TRAP1: variants seen among roughly 807,000 people sequenced by gnomAD.
TRAP1 encodes the protein TNF receptor associated protein 1.
In TRAP1, 102 loss-of-function variants were observed where a neutral mutation model predicts 89.1. The observed-to-expected ratio is 1.15, with a 90% CI of 0.98 to 1.35. The LOEUF is 1.35. TRAP1 is among the 40% of genes most tolerant of loss of function. TRAP1 has a pLI of 0.00. For missense variants in TRAP1, 1,256 were observed against 945.3 expected, an observed-to-expected ratio of 1.33 and a Z score of -4.31; for synonymous variants, 508 against 388.0, an observed-to-expected ratio of 1.31 and a Z score of -3.64.
rs1318484116 is a variant in TRAP1, at chr16:3,685,399, C to G, written c.471+597G>C. ...GCCTGCATTCATTTATGTGGCATGACCTTCAGAGCAAGCCAGCACCCTAAA... is the reference window on the plus strand; with the variant it reads ...GCCTGCATTCATTTATGTGGCATGAGCTTCAGAGCAAGCCAGCACCCTAAA... On this transcript the variant is annotated intron_variant, in intron 4 of 17. Coordinates refer to ENST00000246957, the MANE Select transcript of TRAP1 (RefSeq NM_016292.3). Among the ~76,000 whole-genome samples the G allele has an allele frequency of 3.3e-5, 5 of 152,178 alleles. No homozygotes were observed. In the East Asian group the frequency reaches 9.6e-4, roughly 29 times the overall value.
At chr16:3,672,370 T>C (rs946993962) in intron 10 of TRAP1, among the ~76,000 whole-genome samples, 3 of 152,142 alleles carry the variant, frequency 2.0e-5, no homozygotes, top group South Asian at 4.1e-4. Flanking sequence ...CGCACCTCTG[T>C]GTACCAAGGC....
chr16:3,675,711 C>G (rs549940550), intron 7 of TRAP1, among the ~76,000 whole-genome samples: 3 of 152,190 alleles, frequency 2.0e-5, no homozygotes, highest in Non-Finnish European at 2.9e-5. Flanking sequence ...GAGTGTCCAG[C>G]AGGACACAAA....
At chr16:3,671,182 T>C (rs1171748794) in intron 11 of TRAP1, among the ~76,000 whole-genome samples, 1 of 152,126 alleles carries the variant, frequency 6.6e-6, no homozygotes, top group Non-Finnish European at 1.5e-5. Context: ...ACCTGCCCTA[T>C]GTGGCTGCCA....
Position 3,689,060 on chromosome 16 carries a change from T to C in TRAP1, c.325A>G (p.Lys109Glu), listed in dbSNP as rs2094846372. The C allele has an allele frequency of 1.2e-6, 2 of 1,611,362 alleles. No homozygotes were observed. The highest frequency in any genetic ancestry group is 1.7e-6 in the Non-Finnish European group (2 of 1,178,720). Residue 109 changes from lysine (K) to glutamate (E), a missense_variant, in exon 3 of 18, where the codon AAA (lysine) becomes GAA (glutamate). Physicochemically the swap from Lys to Glu is moderately conservative, Grantham distance 56. Transcript: ENST00000246957. ...DIVARSLYSE[K>E]EVFIRELISN... is the part of the protein sequence containing the mutation. ...ATGGTTAGCAGGGAACGCACCTCTT[T>C]TTCTGAGTACAGGGACCGGGCAACA...
Position 3,705,773 on chromosome 16 carries a change from G to A in TRAP1, c.88+11648C>T, listed in dbSNP as rs375418492. 8.6e-4 allele frequency among the ~76,000 whole-genome samples: 131 copies of A among 151,992 alleles called. 1 individual carries two copies. Among genetic ancestry groups the A allele is most frequent in the East Asian group, 2.9e-3 (15 of 5,156 alleles). ...TGGCTCACTGCAACCTCTGCCTCCCGGGTTCAAGTGATTCTCCTGCCTCAG... is the reference window on the plus strand; with the variant it reads ...TGGCTCACTGCAACCTCTGCCTCCCAGGTTCAAGTGATTCTCCTGCCTCAG... On this transcript the variant is annotated intron_variant, in intron 1 of 17. Coordinates refer to ENST00000246957, the MANE Select transcript of TRAP1 (RefSeq NM_016292.3).
chr16:3,676,529 C>A, intron 6 of TRAP1: 1 of 164,324 alleles, frequency 6.1e-6, no homozygotes, highest in Non-Finnish European at 1.3e-5. Context: ...GACAGGCGCC[C>A]CCTAAGAAGA....
At chr16:3,689,418 G>A (rs1426811451) in intron 2 of TRAP1, among the ~76,000 whole-genome samples, 1 of 151,950 alleles carries the variant, frequency 6.6e-6, no homozygotes, top group Non-Finnish European at 1.5e-5. Context: ...CTAATTTTTT[G>A]TAGTTTTAGT....
Position 3,664,245 on chromosome 16 carries a change from G to A in TRAP1, c.1569+29C>T, listed in dbSNP as rs115291551. 1.1e-3 allele frequency: 1,733 copies of A among 1,526,194 alleles called. 27 individuals carry two copies. The African/African-American group carries it at 0.02, about 17-fold the overall frequency. The allele number at this position is 1,526,194 out of a possible 1,614,324, so 94.5% of individuals were successfully genotyped here. ...AGACCCTCCCCAGGTTGCAGCCCCC[G>A]GAGCCCGCCCCACCCACCGCTCACC... On this transcript the variant is annotated intron_variant, in intron 13 of 17. Transcript: ENST00000246957.
Position 3,689,113 on chromosome 16 carries a change from T to C in TRAP1, c.272A>G (p.Gln91Arg). The C allele has an allele frequency of 6.2e-7, 1 of 1,613,874 alleles. No individual in the cohort carries two copies. The highest frequency in any genetic ancestry group is 8.5e-7 in the Non-Finnish European group (1 of 1,179,894). Residue 91 changes from glutamine (Q) to arginine (R), a missense_variant, in exon 3 of 18, where the codon CAG (glutamine) becomes CGG (arginine). By Grantham distance (43) the Gln-to-Arg change is conservative (BLOSUM62 1). Transcript: ENST00000246957. ...GTCCAAAAGCTTCTTTGTCTCGGCCTGGAACTCATGTTTGGAAGTGGAACC... is the reference window on the plus strand; with the variant it reads ...GTCCAAAAGCTTCTTTGTCTCGGCCCGGAACTCATGTTTGGAAGTGGAACC... ...VQGSTSKHEFQAETKKLLDIV... is the reference protein window; with the variant it reads ...VQGSTSKHEFRAETKKLLDIV...
chr16:3,668,168 C>T (rs920561029), intron 11 of TRAP1, among the ~76,000 whole-genome samples: 4 of 151,672 alleles, frequency 2.6e-5, no homozygotes, highest in Admixed American at 1.3e-4. Flanking sequence ...GTGATCCACC[C>T]GCCTCGGCCT....
At chr16:3,705,037 A>G (rs2051421335) in intron 1 of TRAP1, among the ~76,000 whole-genome samples, 1 of 152,098 alleles carries the variant, frequency 6.6e-6, no homozygotes, top group African/African-American at 2.4e-5. Flanking sequence ...GTATATTCAC[A>G]AAGTTGTACA....
chr16:3,670,719 C>T (rs1435592961), intron 11 of TRAP1, among the ~76,000 whole-genome samples: 1 of 152,160 alleles, frequency 6.6e-6, no homozygotes, highest in Non-Finnish European at 1.5e-5. Flanking sequence ...AATAAAACAT[C>T]ACTGCGGCTT....
chr16:3,666,268 A>G (rs1367414961), intron 11 of TRAP1, 150 bp from the exon 12 acceptor site: 1 of 1,051,660 alleles, frequency 9.5e-7, no homozygotes, highest in Non-Finnish European at 1.3e-6. Context: ...AAGACTGAGC[A>G]GAAAGACAGA....
In TRAP1 at chr16:3,672,747, T is replaced by A; in HGVS notation, c.1118A>T (p.Gln373Leu). 6.2e-7 allele frequency: 1 copy of A among 1,611,680 alleles called. No individual in the cohort carries two copies. The highest frequency in any genetic ancestry group is 8.5e-7 in the Non-Finnish European group (1 of 1,179,068). The change falls in exon 10 of 18, where the codon CAG (glutamine) becomes CTG (leucine). Residue 373 changes from glutamine to leucine, a missense_variant. By Grantham distance (113) the Gln-to-Leu change is moderately radical. Coordinates refer to ENST00000246957, the MANE Select transcript of TRAP1 (RefSeq NM_016292.3). Reference sequence around the variant, plus strand: ...GGGCAGGATGTCCGTGGCCTTGGTCTGGATGAGGACTTTGCGGCTGTACAG... The same window carrying A: ...GGGCAGGATGTCCGTGGCCTTGGTCAGGATGAGGACTTTGCGGCTGTACAG... Reference protein sequence around the residue: ...VALYSRKVLIQTKATDILPKW... With the variant: ...VALYSRKVLILTKATDILPKW...
At chr16:3,692,406 G>A (rs2051226549) in intron 1 of TRAP1, among the ~76,000 whole-genome samples, 1 of 151,650 alleles carries the variant, frequency 6.6e-6, no homozygotes, top group Non-Finnish European at 1.5e-5. Flanking sequence ...CATGGTGGCA[G>A]GCACCTGTAA....
rs553568036 is a variant in TRAP1, at chr16:3,692,392, C to T, written c.89-1407G>A. Among the ~76,000 whole-genome samples, 7 of 151,746 alleles carry T rather than the reference C, an allele frequency of 4.6e-5. No individual in the cohort carries two copies. The East Asian group carries it at 9.8e-4, about 21-fold the overall frequency. ...CTGTACTAAAAATACAAAAGTTAGC[C>T]GGGCATGGTGGCAGGCACCTGTAAT... On this transcript the variant is annotated intron_variant, in intron 1 of 17. Coordinates refer to ENST00000246957, the MANE Select transcript of TRAP1 (RefSeq NM_016292.3).
intron 1 of TRAP1, among the ~76,000 whole-genome samples, chr16:3,706,427 C>T (rs867463098): frequency 4.7e-5 from 7 of 149,004 alleles, no homozygotes; most frequent in South Asian, 2.1e-4. Flanking sequence ...ATTAGAAGGG[C>T]GCACCACCAC....
In TRAP1 at chr16:3,658,868, G is replaced by A. The variant is rs1323137112; in HGVS notation, c.1941-3C>T. ...TCAGCTTCTTGATGAGCGCGTGCCT[G>A]CAACACAGAACCCACCAGAAAAAGC... On this transcript the variant is annotated splice_region_variant and splice_polypyrimidine_tract_variant and intron_variant, in intron 16 of 17. Coordinates refer to ENST00000246957, the MANE Select transcript of TRAP1 (RefSeq NM_016292.3). The A allele has an allele frequency of 2.5e-6, 4 of 1,613,878 alleles. No individual in the cohort carries two copies. The African/African-American group carries it at 5.3e-5, about 22-fold the overall frequency.
chr16:3,699,245 G>A (rs1195938705), intron 1 of TRAP1, among the ~76,000 whole-genome samples: 1 of 152,140 alleles, frequency 6.6e-6, no homozygotes. Flanking sequence ...CCTGGCTGCA[G>A]GCCCTCTCTC....
Sources: allele counts gnomAD v4.1 joint callset (sites outside exome capture counted in the v4.1 genomes callset), GRCh38; gene constraint gnomAD v4.1.1; transcripts MANE v1.5; gene names NCBI Gene and HGNC (gene_info 2026-07-23, HGNC 2026-07-21).